Variants in OSBPL5 observed in about 807,000 individuals in gnomAD.
The protein encoded by OSBPL5 is oxysterol binding protein like 5.
OSBPL5 carries 71 observed loss-of-function variants against 111.2 expected under a neutral mutation model. The ratio of observed to expected loss-of-function variants is 0.64; its 90% CI spans 0.53 to 0.78. The LOEUF is 0.78. Ranked by LOEUF, OSBPL5 falls within the 30% of genes least tolerant of loss-of-function variation. The pLI is 0.00. For synonymous variants in OSBPL5, 549 were observed against 513.9 expected, an observed-to-expected ratio of 1.07 and a Z score of -0.93; for missense variants, 1,210 against 1,189.3, an observed-to-expected ratio of 1.02 and a Z score of -0.26.
chr11:3,119,745 G>C (rs1858337331), intron 6 of OSBPL5, 114 bp from the exon 7 acceptor site: 1 of 972,584 alleles, frequency 1.0e-6, no homozygotes, highest in African/African-American at 1.7e-5. Flanking sequence ...CACCCCCAGG[G>C]CCACAGGGCC....
intron 14 of OSBPL5, among the ~76,000 whole-genome samples, chr11:3,097,996 T>C (rs1378914762): frequency 6.6e-6 from 1 of 151,942 alleles, no homozygotes; most frequent in Admixed American, 6.6e-5. Flanking sequence ...TGAACCCAGG[T>C]GGTGGAGGTT....
chr11:3,121,896 G>C lies in OSBPL5; in HGVS notation c.402+101C>G, dbSNP rs1858429127. 5.8e-6 allele frequency: 6 copies of C among 1,041,270 alleles called. No individual in the cohort carries two copies. The highest frequency in any genetic ancestry group is 4.7e-5 in the African/African-American group (3 of 63,652). 64.5% of individuals were successfully genotyped at this position (1,041,270 alleles called of 1,614,324 possible). Reference sequence around the variant, plus strand: ...AGTGATAACGGCTAGATGCAGGGAAGTGAATTTCCATCGTTTCAGGCCACC... The same window carrying C: ...AGTGATAACGGCTAGATGCAGGGAACTGAATTTCCATCGTTTCAGGCCACC... On this transcript the variant is annotated intron_variant, in intron 5 of 21. Coordinates refer to ENST00000263650, the MANE Select transcript of OSBPL5 (RefSeq NM_020896.4). The surrounding 1 kb of genome is among the most constrained non-coding windows in gnomAD (Gnocchi z 4.3).
At chr11:3,103,781 GCAGTCCCTTCC>G (rs879693244) in intron 10 of OSBPL5, among the ~76,000 whole-genome samples, 13,605 of 77,422 alleles carry the variant, frequency 0.18, 1,039 homozygotes, top group Middle Eastern at 0.24. Flanking sequence ...TCCAGCCTCT[GCAGTCCCTTCC>G]TGCCTCTGCA....
rs1407007746 is a variant in OSBPL5, at chr11:3,106,107, TC to T, written c.1059+1155del. Among the ~76,000 whole-genome samples, 1 of 151,550 alleles carries T rather than the reference TC, an allele frequency of 6.6e-6. No homozygotes were observed. Among genetic ancestry groups the T allele is most frequent in the Non-Finnish European group, 1.5e-5 (1 of 67,874 alleles). On this transcript the variant is annotated intron_variant, in intron 9 of 21. Transcript: ENST00000263650. The surrounding 1 kb of genome is among the most constrained non-coding windows in gnomAD (Gnocchi z 8.4). ...ACTCCCCATAGGCCCATCCTAACCT[TC>T]CCATCCCCGCACAGGAGCCTGAGCT... is the stretch of plus-strand genomic sequence containing the variant.
Position 3,093,579 on chromosome 11 carries a change from G to A in OSBPL5, c.1894C>T (p.Leu632=). ...TPSGEVRRQR[L]RQHTVPLEEQ... ...TCCAGCGGCACCGTGTGCTGCCTCAGCCTCTGTCTGCGGACCTCCCCGCTC... is the reference window on the plus strand; with the variant it reads ...TCCAGCGGCACCGTGTGCTGCCTCAACCTCTGTCTGCGGACCTCCCCGCTC... Residue 632 remains leucine (L), a synonymous_variant, in exon 17 of 22, where the codon CTG becomes TTG. Coordinates refer to ENST00000263650, the MANE Select transcript of OSBPL5 (RefSeq NM_020896.4). The A allele has an allele frequency of 1.2e-6, 2 of 1,612,338 alleles. No individual in the cohort carries two copies. Among genetic ancestry groups the A allele is most frequent in the South Asian group, 1.1e-5 (1 of 91,086 alleles).
chr11:3,091,662 G>T (rs1318709306), intron 19 of OSBPL5, among the ~76,000 whole-genome samples: 1 of 152,148 alleles, frequency 6.6e-6, no homozygotes, highest in African/African-American at 2.4e-5. Context: ...CATAGGGGGT[G>T]CATCTGTCTA....
At chr11:3,112,476 T>C (rs201634869) in intron 7 of OSBPL5, among the ~76,000 whole-genome samples, 6 of 105,928 alleles carry the variant, frequency 5.7e-5, no homozygotes, top group African/African-American at 2.7e-4. Flanking sequence ...GTGTTTTCTT[T>C]TCTTTTTTTT....
chr11:3,129,369 G>A (rs1858747134), intron 1 of OSBPL5, 200 bp from the exon 2 acceptor site: 1 of 414,170 alleles, frequency 2.4e-6, no homozygotes, highest in African/African-American at 2.1e-5. Context: ...TTTGGCTGGT[G>A]CCAGCCCTTT....
chr11:3,155,296 C>CT lies in OSBPL5; in HGVS notation c.-22+9919dup, dbSNP rs201764064. On this transcript the variant is annotated intron_variant, in intron 1 of 21. Coordinates refer to ENST00000263650, the MANE Select transcript of OSBPL5 (RefSeq NM_020896.4). Reference sequence around the variant, plus strand: ...TTCTCCCTTGACACATCTGGAGGTGCTACAGGGACCCTCTCCAGGAATAAT... The same window carrying CT: ...TTCTCCCTTGACACATCTGGAGGTGCTTACAGGGACCCTCTCCAGGAATAAT... Among the ~76,000 whole-genome samples, 1,226 of 152,316 alleles carry CT rather than the reference C, an allele frequency of 8.0e-3. 16 individuals carry two copies. The highest frequency in any genetic ancestry group is 0.028 in the African/African-American group (1,169 of 41,566).
intron 5 of OSBPL5, 107 bp from the exon 6 acceptor site, chr11:3,120,731 G>T (rs12791724): frequency 7.1e-6 from 9 of 1,263,658 alleles, no homozygotes; most frequent in Admixed American, 2.0e-5. Flanking sequence ...GGGCTGCCGA[G>T]GGGCCCTTCC....
rs1191210901 is a variant in OSBPL5 at position 3,121,279 on chromosome 11, A to G, written c.403-655T>C. 6.6e-6 allele frequency among the ~76,000 whole-genome samples: 1 copy of G among 151,882 alleles called. No homozygotes were observed. The highest frequency in any genetic ancestry group is 1.9e-4 in the East Asian group (1 of 5,178). ...TGCCATTTTGGACAGGCTGGTCTCA[A>G]ACTCCTGACCTCAGGTGATCCACCC... On this transcript the variant is annotated intron_variant, in intron 5 of 21. Transcript: ENST00000263650. This position sits in a 1 kb window ranked among gnomAD's most constrained non-coding sequence, Gnocchi z 4.3.
rs144419060 is a variant in OSBPL5, at chr11:3,093,532, G to A, written c.1941C>T (p.Ser647=). Residue 647 remains serine, a synonymous_variant, in exon 17 of 22, where the codon TCC becomes TCT. Transcript: ENST00000263650. The part of the protein sequence containing the change: ...VPLEEQTELE[S]ERLWQHVTRA... ...TGGGCGCTGACAGGCCTCACCTCTC[G>A]GACTCCAGCTCCGTCTGCTCCTCCA... 5.6e-6 allele frequency: 9 copies of A among 1,608,546 alleles called. No individual in the cohort carries two copies. Among genetic ancestry groups the A allele is most frequent in the East Asian group, 4.5e-5 (2 of 44,870 alleles).
chr11:3,099,160 C>T (rs1416070335), intron 14 of OSBPL5, among the ~76,000 whole-genome samples: 1 of 152,198 alleles, frequency 6.6e-6, no homozygotes, highest in Non-Finnish European at 1.5e-5. Flanking sequence ...AAACGCTCCA[C>T]ACCGTATGAT....
chr11:3,098,818 T>C (rs1246994182), intron 14 of OSBPL5, among the ~76,000 whole-genome samples: 1 of 151,674 alleles, frequency 6.6e-6, no homozygotes, highest in Non-Finnish European at 1.5e-5. Flanking sequence ...ATTTTTTTTT[T>C]TTTTTTGAGA....
chr11:3,103,209 C>CT lies in OSBPL5; in HGVS notation c.1326+29_1326+30insA, dbSNP rs773579906. The CT allele has an allele frequency of 5.1e-6, 8 of 1,569,100 alleles. No individual in the cohort carries two copies. The African/African-American group carries it at 1.1e-4, about 21-fold the overall frequency. ...GAGCAGACAGACTCCTGGGCCGGAG[C>CT]CCCACCCTCCCTGGCTGGCAGGGGC... is the stretch of plus-strand genomic sequence containing the variant. On this transcript the variant is annotated intron_variant, in intron 11 of 21. Transcript: ENST00000263650.
At chr11:3,144,507 AC>A (rs1846268205) in intron 1 of OSBPL5, among the ~76,000 whole-genome samples, 1 of 152,180 alleles carries the variant, frequency 6.6e-6, no homozygotes, top group South Asian at 2.1e-4. Flanking sequence ...CGTGGCCGGG[AC>A]CAGCTGACCT....
rs748703320 is a variant in OSBPL5, at chr11:3,107,437, C to T, written c.885G>A (p.Leu295=). 10 of 1,613,910 alleles carry T rather than the reference C, an allele frequency of 6.2e-6. No homozygotes were observed. The East Asian group carries it at 6.7e-5, about 11-fold the overall frequency. ...ACTTGTCTGAGAATGCATCGTTCTC[C>T]AGGGAAGACCCGTTCAGTCTGGAAG... ...QDLFPLNGSS[L]ENDAFSDKSE... The change falls in exon 9 of 22, where the codon CTG becomes CTA. Residue 295 remains leucine, a synonymous_variant. Transcript: ENST00000263650. The surrounding 1 kb of genome is among the most constrained non-coding windows in gnomAD (Gnocchi z 6.1).
At chr11:3,125,577 G>A (rs759660502) in intron 3 of OSBPL5, among the ~76,000 whole-genome samples, 47 of 152,272 alleles carry the variant, frequency 3.1e-4, no homozygotes, top group Middle Eastern at 3.4e-3. Flanking sequence ...AGGCCGAGGC[G>A]GGTGGATCAT....
At chr11:3,089,166 T>TC (rs1856974635) in intron 21 of OSBPL5, among the ~76,000 whole-genome samples, 2 of 152,158 alleles carry the variant, frequency 1.3e-5, no homozygotes, top group African/African-American at 4.8e-5. Flanking sequence ...CAATGACAGT[T>TC]CCCCAAGGCT....
Sources: gnomAD v4.1 joint callset for allele counts (sites outside exome capture counted in the v4.1 genomes callset) on GRCh38, gnomAD v4.1.1 for gene constraint, Gnocchi (gnomAD v3.1) non-coding constraint, MANE v1.5 for transcripts, NCBI Gene and HGNC (gene_info 2026-07-23, HGNC 2026-07-21) for gene names.